The following STXBP4 variants were observed in gnomAD, a reference collection of about 807,000 sequenced individuals.
STXBP4 encodes the protein syntaxin-binding protein 4.
In STXBP4, 55 loss-of-function variants were observed where a neutral mutation model predicts 76.1. The observed-to-expected ratio is 0.72, with a 90% confidence interval of 0.58 to 0.91. STXBP4 has a LOEUF of 0.91. STXBP4 is among the 40% of genes least tolerant of loss of function. The pLI, the probability that STXBP4 is intolerant of heterozygous loss-of-function variation, is 0.00. For synonymous variants in STXBP4, 201 were observed against 220.2 expected (o/e 0.91, Z 0.77); for missense variants, 618 against 636.9 (o/e 0.97, Z 0.32).
chr17:55,196,906 T>G, the STXBP4 span, among the ~76,000 whole-genome samples: 1 of 152,210 alleles, frequency 6.6e-6, no homozygotes, highest in Non-Finnish European at 1.5e-5. Context: ...AATGTCATGA[T>G]GAAGAGCATG....
intron 16 of STXBP4, among the ~76,000 whole-genome samples, chr17:55,082,464 C>G (rs2079267866): frequency 1.3e-5 from 2 of 151,810 alleles, no homozygotes; most frequent in Admixed American, 1.3e-4. Flanking sequence ...AATTTTGTTC[C>G]AGATTTTAGT....
intron 12 of STXBP4, among the ~76,000 whole-genome samples, chr17:55,054,405 C>CT (rs1456304125): frequency 6.6e-6 from 1 of 152,296 alleles, no homozygotes; most frequent in East Asian, 1.9e-4. Context: ...ACAAGAATCA[C>CT]TTTAACTTGG....
chr17:55,018,719 G>C (rs958295051), intron 8 of STXBP4, among the ~76,000 whole-genome samples: 3 of 152,210 alleles, frequency 2.0e-5, no homozygotes, highest in African/African-American at 7.2e-5. Flanking sequence ...GGGGCAGGGG[G>C]TGGATCTCAC....
chr17:55,053,521 CA>C (rs2078887711), intron 12 of STXBP4, among the ~76,000 whole-genome samples: 1 of 151,984 alleles, frequency 6.6e-6, no homozygotes, highest in Non-Finnish European at 1.5e-5. Flanking sequence ...AACATGTTGG[CA>C]AAAGGATGAA....
intron 16 of STXBP4, among the ~76,000 whole-genome samples, chr17:55,123,381 G>A (rs1260137515): frequency 6.6e-6 from 1 of 152,108 alleles, no homozygotes; most frequent in Non-Finnish European, 1.5e-5. Context: ...ATTGCATGCA[G>A]GTTTTTTTCC....
Position 55,022,576 on chromosome 17 carries a change from C to T in STXBP4, c.667-8592C>T, listed in dbSNP as rs570359239. Among the ~76,000 whole-genome samples, 7 of 152,156 alleles carry T rather than the reference C, an allele frequency of 4.6e-5. No individual in the cohort carries two copies. In the East Asian group the frequency reaches 1.4e-3, roughly 29 times the overall value. ...TGGGGGAAGTAGAAAATTCAAAAAACAAGTGAATAACAAGAGTACATGTCA... is the reference window on the plus strand; with the variant it reads ...TGGGGGAAGTAGAAAATTCAAAAAATAAGTGAATAACAAGAGTACATGTCA... On this transcript the variant is annotated intron_variant, in intron 8 of 17. Transcript: ENST00000376352.
intron 8 of STXBP4, among the ~76,000 whole-genome samples, chr17:55,026,893 C>T (rs1229533244): frequency 2.0e-5 from 3 of 152,112 alleles, no homozygotes; most frequent in Non-Finnish European, 2.9e-5. Context: ...GCTTGGGCAC[C>T]CTGGCTTTGC....
chr17:54,999,317 C>A, intron 4 of STXBP4, 28 bp from the exon 5 acceptor site: 1 of 1,545,844 alleles, frequency 6.5e-7, no homozygotes, highest in South Asian at 1.2e-5. Flanking sequence ...CTCATTAGTT[C>A]CTTTATAAAT....
At chr17:55,026,370 G>A (rs750295979) in intron 8 of STXBP4, among the ~76,000 whole-genome samples, 7 of 152,082 alleles carry the variant, frequency 4.6e-5, no homozygotes, top group East Asian at 1.9e-4. Flanking sequence ...AGATTAGAGC[G>A]GTATTAGCAT....
chr17:55,098,439 A>G (rs1054959696), intron 16 of STXBP4, among the ~76,000 whole-genome samples: 1 of 152,216 alleles, frequency 6.6e-6, no homozygotes, highest in African/African-American at 2.4e-5. Context: ...AAATGGAAAT[A>G]CTAAAATTGC....
At chr17:55,053,234 A>T (rs994469845) in intron 12 of STXBP4, among the ~76,000 whole-genome samples, 2 of 152,010 alleles carry the variant, frequency 1.3e-5, no homozygotes, top group Non-Finnish European at 2.9e-5. Context: ...TTCTTAGGAA[A>T]TATGTGGTTA....
rs1169983562 is a variant in STXBP4 at position 55,169,754 on chromosome 17, C to A, written c.*9843C>A. On this transcript the variant is annotated 3_prime_UTR_variant, in exon 18 of 18. Coordinates refer to ENST00000376352, the MANE Select transcript of STXBP4 (RefSeq NM_178509.6). ...ATCAAAATTGTGTTAAAAGCTATTTCTAAAAACCCTAACATGAAATACTTA... is the reference window on the plus strand; with the variant it reads ...ATCAAAATTGTGTTAAAAGCTATTTATAAAAACCCTAACATGAAATACTTA... The A allele has an allele frequency of 6.6e-6, 1 of 152,150 alleles. No individual in the cohort carries two copies. Among genetic ancestry groups the A allele is most frequent in the African/African-American group, 2.4e-5 (1 of 41,424 alleles). The allele number at this position is 152,150 out of a possible 1,614,324, so 9.4% of individuals were successfully genotyped here. A position where few individuals can be genotyped will look rare whatever the true frequency, so the allele number is the denominator to read the frequency against.
chr17:54,976,173 G>A lies in STXBP4; in HGVS notation c.-157+7358G>A, dbSNP rs371907715. ...AATGAAAGCAAACAGAAGGCAGTCCGGTAGCCTAAGGAAACTTCTGAGAGC... is the reference window on the plus strand; with the variant it reads ...AATGAAAGCAAACAGAAGGCAGTCCAGTAGCCTAAGGAAACTTCTGAGAGC... On this transcript the variant is annotated intron_variant, in intron 1 of 17. Coordinates refer to ENST00000376352, the MANE Select transcript of STXBP4 (RefSeq NM_178509.6). Among the ~76,000 whole-genome samples, 232 of 152,262 alleles carry A rather than the reference G, an allele frequency of 1.5e-3. 7 individuals are homozygous for A. The South Asian group carries it at 0.045, about 30-fold the overall frequency.
At chr17:55,026,630 C>T (rs1022363471) in intron 8 of STXBP4, among the ~76,000 whole-genome samples, 1 of 152,144 alleles carries the variant, frequency 6.6e-6, no homozygotes, top group Non-Finnish European at 1.5e-5. Flanking sequence ...ATTAACCCTA[C>T]CCAGCACTGG....
intron 17 of STXBP4, among the ~76,000 whole-genome samples, chr17:55,147,469 GCCCGGGGGTTGAGGA>G (rs765916408): frequency 3.3e-5 from 5 of 152,192 alleles, no homozygotes; most frequent in African/African-American, 4.8e-5. Context: ...CGAGTCCATG[GCCCGGGGGTTGAGGA>G]CCCCTGAATT....
intron 16 of STXBP4, 55 bp from the exon 17 acceptor site, chr17:55,141,255 A>G: frequency 6.9e-7 from 1 of 1,445,442 alleles, no homozygotes. Flanking sequence ...TGTCCAGGAA[A>G]TAAAGTTATC....
intron 1 of STXBP4, among the ~76,000 whole-genome samples, chr17:54,973,318 A>G (rs2077425815): frequency 6.6e-6 from 1 of 152,242 alleles, no homozygotes. Flanking sequence ...CAACAAAACA[A>G]CAACAAAAAC....
At chr17:55,144,465 C>T (rs2080129237) in intron 17 of STXBP4, among the ~76,000 whole-genome samples, 1 of 152,150 alleles carries the variant, frequency 6.6e-6, no homozygotes, top group Non-Finnish European at 1.5e-5. Context: ...CATCATTATA[C>T]ACAATACAGT....
At chr17:55,065,415 G>A (rs758394727) in intron 12 of STXBP4, among the ~76,000 whole-genome samples, 1 of 152,140 alleles carries the variant, frequency 6.6e-6, no homozygotes, top group Non-Finnish European at 1.5e-5. Flanking sequence ...AAAGGTTAAT[G>A]TGGAAGGAAT....
Sources: gnomAD v4.1 joint callset for allele counts (sites outside exome capture counted in the v4.1 genomes callset) on GRCh38, gnomAD v4.1.1 for gene constraint, MANE v1.5 for transcripts, NCBI Gene and HGNC (gene_info 2026-07-23, HGNC 2026-07-21) for gene names.